SEMA6D: variants seen among roughly 807,000 people sequenced by gnomAD.
The protein encoded by SEMA6D is semaphorin-6D.
A neutral mutation model predicts 106.6 loss-of-function variants in SEMA6D; 35 were observed. The observed-to-expected ratio is 0.33, with a 90% CI of 0.25 to 0.44. SEMA6D has a LOEUF of 0.44. SEMA6D is among the 20% of genes least tolerant of loss of function. SEMA6D has a pLI of 1.00. For missense variants in SEMA6D, 1,185 were observed against 1,345.9 expected, an observed-to-expected ratio of 0.88 and a Z score of 1.87; for synonymous variants, 499 against 487.7, an observed-to-expected ratio of 1.02 and a Z score of -0.31.
At chr15:47,730,892 G>T in intron 1 of SEMA6D, 1 of 945,380 alleles carries the variant, frequency 1.1e-6, no homozygotes, top group South Asian at 1.3e-5. Context: ...GACTGCAGGG[G>T]CCGGAGCCAC....
chr15:47,466,109 C>G (rs2042650386), intron 2 of SEMA6D, among the ~76,000 whole-genome samples: 1 of 152,136 alleles, frequency 6.6e-6, no homozygotes, highest in East Asian at 1.9e-4. Context: ...TAATTACAAT[C>G]AAGCAAATTA....
intron 1 of SEMA6D, among the ~76,000 whole-genome samples, chr15:47,210,606 A>G (rs1288164215): frequency 6.6e-6 from 1 of 151,920 alleles, no homozygotes; most frequent in African/African-American, 2.4e-5. Context: ...CTCTACTAAA[A>G]ATACAAAAAT....
intron 3 of SEMA6D, among the ~76,000 whole-genome samples, chr15:47,572,124 G>A: frequency 6.6e-6 from 1 of 152,292 alleles, no homozygotes; most frequent in South Asian, 2.1e-4. Context: ...GTTTCTGAAA[G>A]TAAAAGCCAT....
At chr15:47,489,557 T>C (rs2043403189) in intron 3 of SEMA6D, among the ~76,000 whole-genome samples, 1 of 152,174 alleles carries the variant, frequency 6.6e-6, no homozygotes, top group South Asian at 2.1e-4. Context: ...CCCTCCACAA[T>C]GCATCTCCTC....
chr15:47,682,326 C>A (rs1174721180), intron 4 of SEMA6D, among the ~76,000 whole-genome samples: 2 of 152,160 alleles, frequency 1.3e-5, no homozygotes, highest in African/African-American at 4.8e-5. Flanking sequence ...CGCCACCGCG[C>A]CTGGCTAATT....
At position 47,760,306 on chromosome 15, in the gene SEMA6D, T is replaced by C; in HGVS notation, c.112T>C (p.Ser38Pro). ...GTTTAGCCCATTTTTACTTGCAGATTCAAGGCAATATCCGGTTTTTAGAGG... is the reference window on the plus strand; with the variant it reads ...GTTTAGCCCATTTTTACTTGCAGATCCAAGGCAATATCCGGTTTTTAGAGG... ...EPLNTVDYHY[S>P]RQYPVFRGRP... The change falls in exon 3 of 19, where the codon TCA (serine) becomes CCA (proline). Residue 38 changes from serine to proline, a missense_variant and splice_region_variant. This residue lies in a region of SEMA6D where 144 missense variants were observed against 138.6 expected (regional missense o/e 1.04). Transcript: ENST00000536845. The C allele has an allele frequency of 6.2e-7, 1 of 1,612,342 alleles. No individual in the cohort carries two copies. Among genetic ancestry groups the C allele is most frequent in the Admixed American group, 1.7e-5 (1 of 59,950 alleles).
At chr15:47,520,267 G>A (rs1259030365) in intron 3 of SEMA6D, among the ~76,000 whole-genome samples, 1 of 152,232 alleles carries the variant, frequency 6.6e-6, no homozygotes, top group Non-Finnish European at 1.5e-5. Flanking sequence ...TATTTCACAT[G>A]TATCAAATCG....
At chr15:47,672,413 T>C (rs1050691073) in intron 4 of SEMA6D, among the ~76,000 whole-genome samples, 1 of 152,138 alleles carries the variant, frequency 6.6e-6, no homozygotes, top group African/African-American at 2.4e-5. Flanking sequence ...CAAAAGCTTA[T>C]AAGAGAAGAA....
chr15:47,255,960 T>C (rs1287143720), intron 1 of SEMA6D, among the ~76,000 whole-genome samples: 1 of 152,196 alleles, frequency 6.6e-6, no homozygotes, highest in African/African-American at 2.4e-5. Flanking sequence ...CTATCTTTGC[T>C]CTCTTGAATT....
chr15:47,413,114 C>T (rs16959423), intron 2 of SEMA6D, among the ~76,000 whole-genome samples: 2,229 of 152,264 alleles, frequency 0.015, 64 homozygotes, highest in African/African-American at 0.051. Flanking sequence ...TCTCCCACTC[C>T]TCTGTGTGTA....
chr15:47,540,384 G>A (rs2045317616), intron 3 of SEMA6D, among the ~76,000 whole-genome samples: 1 of 151,818 alleles, frequency 6.6e-6, no homozygotes, highest in Non-Finnish European at 1.5e-5. Flanking sequence ...AAATTAGCAA[G>A]GCATCCTTTG....
intron 1 of SEMA6D, among the ~76,000 whole-genome samples, chr15:47,400,580 G>A (rs2040366946): frequency 6.6e-6 from 1 of 151,888 alleles, no homozygotes; most frequent in Non-Finnish European, 1.5e-5. Flanking sequence ...TTAAGAGGAA[G>A]CTGACATTTA....
rs142379964 is a variant in SEMA6D, at chr15:47,668,160, G to C, written c.-55+67264G>C. Among the ~76,000 whole-genome samples the C allele has an allele frequency of 3.3e-5, 5 of 151,754 alleles. No homozygotes were observed. In the East Asian group the frequency reaches 9.6e-4, roughly 29 times the overall value. The stretch of plus-strand genomic sequence containing the variant: ...TAAGATTACTTAAAAGTATCACTTA[G>C]ACTGAACTTCACTGACTTTATTTCC... On this transcript the variant is annotated intron_variant, in intron 4 of 19. Coordinates refer to the SEMA6D transcript ENST00000558014.
At chr15:47,271,135 A>G (rs1367976187) in intron 1 of SEMA6D, among the ~76,000 whole-genome samples, 1 of 152,210 alleles carries the variant, frequency 6.6e-6, no homozygotes, top group Non-Finnish European at 1.5e-5. Context: ...GTTTTTTGAC[A>G]ACTCCATACA....
intron 1 of SEMA6D, among the ~76,000 whole-genome samples, chr15:47,309,732 C>A (rs945233907): frequency 2.0e-5 from 3 of 152,140 alleles, no homozygotes; most frequent in Non-Finnish European, 4.4e-5. Context: ...ATGCTCAGAA[C>A]ACTTATATTA....
At chr15:47,288,638 G>GCATGAATTCATGCATGAATA (rs1475638404) in intron 1 of SEMA6D, among the ~76,000 whole-genome samples, 5 of 152,138 alleles carry the variant, frequency 3.3e-5, no homozygotes, top group Admixed American at 3.3e-4. Context: ...GTGAATGAAT[G>GCATGAATTCATGCATGAATA]CATGAATTCA....
At chr15:47,596,058 A>C (rs955168748) in intron 3 of SEMA6D, among the ~76,000 whole-genome samples, 1 of 152,150 alleles carries the variant, frequency 6.6e-6, no homozygotes, top group African/African-American at 2.4e-5. Context: ...ACCCTATCAA[A>C]AAAACCATTA....
At chr15:47,691,280 A>G (rs1004549353) in intron 4 of SEMA6D, among the ~76,000 whole-genome samples, 72 of 152,296 alleles carry the variant, frequency 4.7e-4, no homozygotes, top group African/African-American at 1.7e-3. Flanking sequence ...TGTGTAACCC[A>G]TGATAGTAAT....
chr15:47,452,734 CCTA>C (rs1266740863), intron 2 of SEMA6D, among the ~76,000 whole-genome samples: 1 of 151,708 alleles, frequency 6.6e-6, no homozygotes, highest in Non-Finnish European at 1.5e-5. Flanking sequence ...AATTGTTTGA[CCTA>C]CTTCTTCTCT....
Sources: gnomAD v4.1 joint callset for allele counts (sites outside exome capture counted in the v4.1 genomes callset) on GRCh38, gnomAD v4.1.1 for gene constraint, gnomAD v4.1.1 regional missense constraint, MANE v1.5 for transcripts, NCBI Gene and HGNC (gene_info 2026-07-23, HGNC 2026-07-21) for gene names.